Variants in LARP4 observed in about 807,000 individuals in gnomAD.
LARP4 encodes La ribonucleoprotein 4, also known as la-related protein 4.
LARP4 carries 29 observed loss-of-function variants against 92.9 expected under a neutral mutation model. The observed-to-expected ratio is 0.31, with a 90% CI of 0.23 to 0.43. The LOEUF (loss-of-function observed/expected upper bound fraction) is 0.43. Ranked by LOEUF, LARP4 falls within the 20% of genes least tolerant of loss-of-function variation. LARP4 has a pLI of 1.00. For missense variants in LARP4, 732 were observed against 860.0 expected (o/e 0.85, Z 1.86); for synonymous variants, 279 against 284.1 (o/e 0.98, Z 0.18).
chr12:50,452,663 T>G (rs891958147), intron 8 of LARP4, among the ~76,000 whole-genome samples: 3 of 152,210 alleles, frequency 2.0e-5, no homozygotes, highest in African/African-American at 7.2e-5. Flanking sequence ...CAACTTACAT[T>G]TCTTTGATGA....
intron 1 of LARP4, among the ~76,000 whole-genome samples, chr12:50,409,764 CAAAA>C (rs71083566): frequency 8.3e-6 from 1 of 120,604 alleles, no homozygotes; most frequent in Admixed American, 8.6e-5. Context: ...GATTCTGTCT[CAAAA>C]AAAAAAAAGA....
intron 8 of LARP4, among the ~76,000 whole-genome samples, chr12:50,442,418 A>C (rs1951356162): frequency 6.6e-6 from 1 of 152,132 alleles, no homozygotes; most frequent in African/African-American, 2.4e-5. Context: ...GCTTTCCAAA[A>C]ATCTCCCATT....
At chr12:50,421,262 C>T in intron 1 of LARP4, 2 of 984,562 alleles carry the variant, frequency 2.0e-6, no homozygotes, top group Non-Finnish European at 2.4e-6. Context: ...TTTTAACGTA[C>T]TGTAATATGC....
chr12:50,461,546 T>A (rs1287673889), intron 11 of LARP4, 199 bp downstream of exon 11: 1 of 552,594 alleles, frequency 1.8e-6, no homozygotes, highest in East Asian at 3.4e-5. Context: ...AGAATATAGC[T>A]CTGAATCAGA....
chr12:50,421,558 T>A (rs2136794081), intron 1 of LARP4, among the ~76,000 whole-genome samples: 1 of 151,976 alleles, frequency 6.6e-6, no homozygotes, highest in East Asian at 2.0e-4. Context: ...AGGAGGAGAA[T>A]CGCTTGAACC....
intron 5 of LARP4, among the ~76,000 whole-genome samples, chr12:50,436,045 C>T (rs1950359101): frequency 9.3e-6 from 1 of 107,976 alleles, no homozygotes; most frequent in Non-Finnish European, 1.8e-5. Context: ...CCCATTTTTA[C>T]TGACTCTGTG....
intron 1 of LARP4, among the ~76,000 whole-genome samples, chr12:50,421,095 G>A (rs1252334859): frequency 1.3e-5 from 2 of 149,650 alleles, no homozygotes; most frequent in Non-Finnish European, 3.0e-5. Context: ...GACTGCAGGT[G>A]CATGCCACCA....
chr12:50,414,540 C>T (rs926301431), intron 1 of LARP4, among the ~76,000 whole-genome samples: 7 of 152,170 alleles, frequency 4.6e-5, no homozygotes, highest in African/African-American at 9.7e-5. Context: ...TTGGGTTAGG[C>T]GATCCCTCAG....
chr12:50,426,731 G>GTGTGTGTGTGTGTGGGTGTGTGTGT (rs1483728898), intron 1 of LARP4, among the ~76,000 whole-genome samples: 1 of 79,740 alleles, frequency 1.3e-5, no homozygotes, highest in Non-Finnish European at 2.2e-5. Flanking sequence ...GTGTGTGTGT[G>GTGTGTGTGTGTGTGGGTGTGTGTGT]GTTTTTTTTT....
intron 8 of LARP4, among the ~76,000 whole-genome samples, chr12:50,446,919 A>G (rs1593198565): frequency 6.6e-6 from 1 of 152,124 alleles, no homozygotes; most frequent in Non-Finnish European, 1.5e-5. Context: ...GACTGATTGC[A>G]ATTTTAGGAG....
chr12:50,404,226 C>CAA (rs930090080), intron 1 of LARP4, among the ~76,000 whole-genome samples: 1 of 151,114 alleles, frequency 6.6e-6, no homozygotes, highest in African/African-American at 2.4e-5. Context: ...GACTCTGTCT[C>CAA]AAAAAAAAGA....
At chr12:50,474,416 C>T (rs58915267) in intron 15 of LARP4, among the ~76,000 whole-genome samples, 16,487 of 151,968 alleles carry the variant, frequency 0.11, 1,762 homozygotes, top group East Asian at 0.45. Context: ...GGCACGATCT[C>T]GCGTCACTGC....
At chr12:50,473,906 T>C in intron 14 of LARP4, 93 bp from the exon 15 acceptor site, 1 of 1,094,226 alleles carries the variant, frequency 9.1e-7, no homozygotes, top group Non-Finnish European at 1.3e-6. Context: ...TGAGACTCCG[T>C]CTCAAAAAAA....
intron 8 of LARP4, among the ~76,000 whole-genome samples, chr12:50,445,195 C>T (rs916176929): frequency 3.3e-5 from 5 of 152,092 alleles, no homozygotes; most frequent in Non-Finnish European, 5.9e-5. Context: ...TGAGCCACTG[C>T]GCCCAGCATT....
At chr12:50,456,005 T>C (rs1954162892) in intron 10 of LARP4, among the ~76,000 whole-genome samples, 4 of 151,994 alleles carry the variant, frequency 2.6e-5, no homozygotes, top group Admixed American at 2.6e-4. Context: ...TGAGCCGAGA[T>C]CATACCACTG....
chr12:50,445,794 T>C (rs1220637684), intron 8 of LARP4, among the ~76,000 whole-genome samples: 1 of 152,206 alleles, frequency 6.6e-6, no homozygotes, highest in African/African-American at 2.4e-5. Context: ...CTCTCTGCTG[T>C]GATTTCCCCT....
At chr12:50,403,556 T>G (rs560639869) in intron 1 of LARP4, among the ~76,000 whole-genome samples, 1 of 152,336 alleles carries the variant, frequency 6.6e-6, no homozygotes, top group Non-Finnish European at 1.5e-5. Flanking sequence ...ATTTTAGAAA[T>G]GTAAAAAAAC....
chr12:50,427,572 G>A lies in LARP4; in HGVS notation c.19-190G>A, dbSNP rs535470172. 1.9e-4 allele frequency among the ~76,000 whole-genome samples: 29 copies of A among 152,000 alleles called. 1 individual carries two copies. In the South Asian group the frequency reaches 3.7e-3, roughly 20 times the overall value. ...AGAGATACCTATTTTTTATTATATA[G>A]GAAGCTAAATTTTATATAGATGTCT... On this transcript the variant is annotated intron_variant, in intron 1 of 15. Transcript: ENST00000398473.
At chr12:50,415,558 A>G (rs1946616329) in intron 1 of LARP4, among the ~76,000 whole-genome samples, 1 of 152,146 alleles carries the variant, frequency 6.6e-6, no homozygotes, top group African/African-American at 2.4e-5. Context: ...CCTTAGTCTC[A>G]TATGGTGAAT....
Sources: gnomAD v4.1 joint callset for allele counts (sites outside exome capture counted in the v4.1 genomes callset) on GRCh38, gnomAD v4.1.1 for gene constraint, MANE v1.5 for transcripts, NCBI Gene and HGNC (gene_info 2026-07-23, HGNC 2026-07-21) for gene names.